IPCEF1: variants seen among roughly 807,000 people sequenced by gnomAD.
IPCEF1 encodes the protein interactor protein for cytohesin exchange factors 1.
Under a neutral mutation model 50.9 loss-of-function variants are expected in IPCEF1, and 31 were observed. The observed-to-expected ratio is 0.61, with a 90% CI of 0.46 to 0.82. The LOEUF (loss-of-function observed/expected upper bound fraction) is 0.82. IPCEF1 is among the 40% of genes least tolerant of loss of function. The pLI is 0.00. For missense variants in IPCEF1, 458 were observed against 514.0 expected, an observed-to-expected ratio of 0.89 and a Z score of 1.05; for synonymous variants, 181 against 192.0, an observed-to-expected ratio of 0.94 and a Z score of 0.47.
intron 2 of IPCEF1, among the ~76,000 whole-genome samples, chr6:154,281,832 G>A (rs113197511): frequency 0.011 from 1,659 of 152,168 alleles, 32 homozygotes; most frequent in African/African-American, 0.038. Flanking sequence ...GTGAAACCAC[G>A]TCTCTACTAA....
intron 2 of IPCEF1, among the ~76,000 whole-genome samples, chr6:154,279,018 G>A (rs1350558918): frequency 6.6e-6 from 1 of 150,652 alleles, no homozygotes; most frequent in Non-Finnish European, 1.5e-5. Flanking sequence ...CCAGCTACTT[G>A]GGAGGCTGGG....
intron 1 of IPCEF1, among the ~76,000 whole-genome samples, chr6:154,326,865 A>T (rs1783533876): frequency 6.6e-6 from 1 of 152,238 alleles, no homozygotes; most frequent in African/African-American, 2.4e-5. Flanking sequence ...ACAAGAACAG[A>T]CACATAGACC....
At chr6:154,260,620 A>G (rs1279685011) in intron 3 of IPCEF1, among the ~76,000 whole-genome samples, 1 of 151,922 alleles carries the variant, frequency 6.6e-6, no homozygotes, top group African/African-American at 2.4e-5. Flanking sequence ...TTACAGGCAC[A>G]CGCCACCACA....
At chr6:154,234,915 C>CCTTA (rs1255460668) in intron 5 of IPCEF1, among the ~76,000 whole-genome samples, 5 of 152,184 alleles carry the variant, frequency 3.3e-5, no homozygotes, top group African/African-American at 1.2e-4. Context: ...CGTGTAAAAT[C>CCTTA]CTTAGCTTCT....
intron 1 of IPCEF1, among the ~76,000 whole-genome samples, chr6:154,349,562 G>C (rs2499635): frequency 6.6e-6 from 1 of 151,670 alleles, no homozygotes; most frequent in African/African-American, 2.4e-5. Context: ...TTATAGGCAT[G>C]AGCCACTGTG....
intron 1 of IPCEF1, among the ~76,000 whole-genome samples, chr6:154,327,795 C>A (rs1448111244): frequency 6.6e-6 from 1 of 152,162 alleles, no homozygotes; most frequent in African/African-American, 2.4e-5. Flanking sequence ...GCACTATTCA[C>A]AGTAGCAAAC....
chr6:154,192,043 G>C (rs1167111845), intron 10 of IPCEF1, among the ~76,000 whole-genome samples: 1 of 152,124 alleles, frequency 6.6e-6, no homozygotes, highest in African/African-American at 2.4e-5. Flanking sequence ...ATAAAACAAT[G>C]AAAATGAATG....
At chr6:154,172,836 A>G (rs930498930) in intron 10 of IPCEF1, among the ~76,000 whole-genome samples, 4 of 152,354 alleles carry the variant, frequency 2.6e-5, no homozygotes, top group South Asian at 4.1e-4. Context: ...TCGATCTCTG[A>G]TAACGGACAG....
At chr6:154,180,898 A>G (rs1184756759) in intron 10 of IPCEF1, among the ~76,000 whole-genome samples, 1 of 152,206 alleles carries the variant, frequency 6.6e-6, no homozygotes, top group Non-Finnish European at 1.5e-5. Flanking sequence ...TTTAGGTAGA[A>G]AACAGCGTTT....
At chr6:154,353,769 C>A (rs1319906354) in intron 1 of IPCEF1, among the ~76,000 whole-genome samples, 1 of 152,180 alleles carries the variant, frequency 6.6e-6, no homozygotes, top group East Asian at 1.9e-4. Flanking sequence ...AATCTTGCTT[C>A]TCTGCAGTAT....
intron 5 of IPCEF1, among the ~76,000 whole-genome samples, chr6:154,241,917 C>T (rs1263727843): frequency 6.6e-6 from 1 of 152,168 alleles, no homozygotes; most frequent in Non-Finnish European, 1.5e-5. Context: ...AATGGAGAAG[C>T]TATGCAGCCT....
rs187919097 is a variant in IPCEF1 at position 154,310,044 on chromosome 6, G to A, written c.-61-20288C>T. On this transcript the variant is annotated intron_variant, in intron 1 of 11. Transcript: ENST00000367220. ...CTCCCAAACTGCTAGGATCACAGGC[G>A]TGAGCCACCACACCCGGCCGTCGCT... Among the ~76,000 whole-genome samples the A allele has an allele frequency of 1.9e-4, 29 of 152,250 alleles. No individual in the cohort carries two copies. The East Asian group carries it at 1.9e-3, about 10-fold the overall frequency.
intron 10 of IPCEF1, among the ~76,000 whole-genome samples, chr6:154,182,988 C>CT (rs1041540280): frequency 1.7e-3 from 221 of 130,850 alleles, no homozygotes; most frequent in African/African-American, 6.6e-3. Context: ...TTTTTTTTTT[C>CT]TTTTTTTTTG....
intron 1 of IPCEF1, among the ~76,000 whole-genome samples, chr6:154,330,792 T>G (rs1783640916): frequency 6.6e-6 from 1 of 152,216 alleles, no homozygotes; most frequent in Admixed American, 6.5e-5. Flanking sequence ...TTACTTCCAA[T>G]CTTTCAAGAG....
In IPCEF1 at chr6:154,203,140, A is replaced by G. The variant is rs140884973; in HGVS notation, c.538-3100T>C. On this transcript the variant is annotated intron_variant, in intron 9 of 11. Transcript: ENST00000367220. ...AACTCTTAGCTCACTGCCTTCTGTG[A>G]ACCATCTGTGCAACATACTCATAAA... Among the ~76,000 whole-genome samples, 96 of 152,296 alleles carry G rather than the reference A, an allele frequency of 6.3e-4. 1 individual carries two copies. The East Asian group carries it at 0.018, about 29-fold the overall frequency.
Position 154,278,407 on chromosome 6 carries a change from C to T in IPCEF1, c.-18+11306G>A, listed in dbSNP as rs559958560. ...AAGTAGAGAATGGGAATCCAAGAGACGCCAAGGCTCCAGACGTATGGATGC... is the reference window on the plus strand; with the variant it reads ...AAGTAGAGAATGGGAATCCAAGAGATGCCAAGGCTCCAGACGTATGGATGC... On this transcript the variant is annotated intron_variant, in intron 2 of 11. Transcript: ENST00000367220. 3.9e-5 allele frequency among the ~76,000 whole-genome samples: 6 copies of T among 152,232 alleles called. No homozygotes were observed. In the South Asian group the frequency reaches 8.3e-4, roughly 21 times the overall value.
At chr6:154,332,738 A>C (rs1783701640) in intron 1 of IPCEF1, among the ~76,000 whole-genome samples, 3 of 152,182 alleles carry the variant, frequency 2.0e-5, no homozygotes, top group African/African-American at 7.2e-5. Flanking sequence ...GCTATCCTCC[A>C]AGCCTAAGAT....
At position 154,199,690 on chromosome 6, in the gene IPCEF1, A is replaced by T; in HGVS notation, c.888T>A (p.Ala296=). The T allele has an allele frequency of 6.2e-7, 1 of 1,610,276 alleles. No homozygotes were observed. Among genetic ancestry groups the T allele is most frequent in the Non-Finnish European group, 8.5e-7 (1 of 1,177,510 alleles). ...TACCTTTGTCCATGATCTTTGATCC[A>T]GCAGGCTTATCTGGGACAGTAAGAT... is the stretch of plus-strand genomic sequence containing the variant. ...HDHLTVPDKP[A]GSKIMDKEET... Residue 296 remains alanine (A), a synonymous_variant, in exon 10 of 12, where the codon GCT becomes GCA. Coordinates refer to ENST00000367220, the MANE Select transcript of IPCEF1 (RefSeq NM_001130700.2).
chr6:154,247,024 C>T (rs190744798), intron 4 of IPCEF1: 9 of 426,114 alleles, frequency 2.1e-5, no homozygotes, highest in East Asian at 1.1e-4. Flanking sequence ...AAAGAAACAG[C>T]GCAGCAGGAG....
Sources: allele counts gnomAD v4.1 joint callset (sites outside exome capture counted in the v4.1 genomes callset), GRCh38; gene constraint gnomAD v4.1.1; transcripts MANE v1.5; gene names NCBI Gene and HGNC (gene_info 2026-07-23, HGNC 2026-07-21).